ITGA9: variants seen among roughly 807,000 people sequenced by gnomAD.
The protein encoded by ITGA9 is integrin subunit alpha 9.
A neutral mutation model predicts 127.8 loss-of-function variants in ITGA9; 56 were observed. That is an observed-to-expected ratio of 0.44 (90% CI 0.35 to 0.55). ITGA9 has a LOEUF of 0.55. ITGA9 is among the 20% of genes least tolerant of loss of function. ITGA9 has a pLI of 0.00. For synonymous variants in ITGA9, 508 were observed against 514.5 expected (o/e 0.99, Z 0.17); for missense variants, 1,196 against 1,347.1 (o/e 0.89, Z 1.76).
intron 1 of ITGA9, among the ~76,000 whole-genome samples, chr3:37,456,833 GTAGTCACCACTAGCCAGATA>G (rs1226274826): frequency 6.6e-6 from 1 of 152,192 alleles, no homozygotes; most frequent in Non-Finnish European, 1.5e-5. Context: ...GCTGTCTGAT[GTAGTCACCACTAGCCAGATA>G]TATTGGTATG....
At chr3:37,617,100 AT>A (rs1700082449) in intron 15 of ITGA9, among the ~76,000 whole-genome samples, 1 of 146,266 alleles carries the variant, frequency 6.8e-6, no homozygotes. Context: ...GTGGCTGGTA[AT>A]GGTTGTTCCT....
chr3:37,815,481 C>T (rs115286181), intron 27 of ITGA9, among the ~76,000 whole-genome samples: 6 of 152,002 alleles, frequency 3.9e-5, no homozygotes, highest in Non-Finnish European at 8.8e-5. Flanking sequence ...GGGTGGTACA[C>T]GCCTGCAGTC....
intron 17 of ITGA9, among the ~76,000 whole-genome samples, chr3:37,655,935 A>G (rs932044685): frequency 1.3e-5 from 2 of 152,190 alleles, no homozygotes; most frequent in Non-Finnish European, 2.9e-5. Context: ...TCCCAACACC[A>G]TTTATTAAGT....
chr3:37,547,184 TAAAAA>T (rs1699334276), intron 15 of ITGA9, among the ~76,000 whole-genome samples: 1 of 149,862 alleles, frequency 6.7e-6, no homozygotes, highest in Non-Finnish European at 1.5e-5. Context: ...GTATTATTGT[TAAAAA>T]CAAAACAAAA....
At chr3:37,656,177 T>C (rs1323604137) in intron 17 of ITGA9, among the ~76,000 whole-genome samples, 3 of 152,240 alleles carry the variant, frequency 2.0e-5, no homozygotes, top group Middle Eastern at 3.4e-3. Context: ...GCTATAGGGA[T>C]TCTTTTTTGG....
At chr3:37,761,874 A>G (rs1225736793) in intron 23 of ITGA9, among the ~76,000 whole-genome samples, 2 of 152,124 alleles carry the variant, frequency 1.3e-5, no homozygotes, top group Non-Finnish European at 2.9e-5. Context: ...TGCCATGGCA[A>G]CTCCTAGAAG....
In ITGA9 at chr3:37,785,118, A is replaced by G. The variant is rs756708821; in HGVS notation, c.2889+40A>G. On this transcript the variant is annotated intron_variant, in intron 26 of 27. Coordinates refer to ENST00000264741, the MANE Select transcript of ITGA9 (RefSeq NM_002207.3). ...CCAGGACAGCCCTCCTCAGAGGGCA[A>G]GGGAAGCTGGGTGACTTGGAGACCT... is the stretch of plus-strand genomic sequence containing the variant. 1.1e-5 allele frequency: 16 copies of G among 1,394,704 alleles called. 1 individual carries two copies. In the South Asian group the frequency reaches 1.8e-4, roughly 16 times the overall value. 86.4% of individuals were successfully genotyped at this position (1,394,704 alleles called of 1,614,324 possible).
chr3:37,541,473 A>G (rs894009976), intron 14 of ITGA9, among the ~76,000 whole-genome samples: 3 of 152,210 alleles, frequency 2.0e-5, no homozygotes, highest in Non-Finnish European at 4.4e-5. Context: ...CTATTTACTT[A>G]TTGACTCTGA....
chr3:37,694,489 C>CT (rs1294323003), intron 18 of ITGA9, among the ~76,000 whole-genome samples: 1 of 152,212 alleles, frequency 6.6e-6, no homozygotes, highest in Non-Finnish European at 1.5e-5. Flanking sequence ...CACAAGGCGG[C>CT]TTCAGTATTC....
intron 18 of ITGA9, among the ~76,000 whole-genome samples, chr3:37,705,094 G>A (rs1396894752): frequency 6.6e-6 from 1 of 152,212 alleles, no homozygotes; most frequent in East Asian, 1.9e-4. Flanking sequence ...AGAATGGCAT[G>A]AATGTTGGCT....
At chr3:37,521,812 C>T (rs575325652) in intron 11 of ITGA9, among the ~76,000 whole-genome samples, 3 of 152,290 alleles carry the variant, frequency 2.0e-5, no homozygotes, top group Non-Finnish European at 2.9e-5. Flanking sequence ...TGCAGACACA[C>T]GTACATGTTT....
rs1189827195 is a variant in ITGA9 at position 37,629,618 on chromosome 3, C to T, written c.1839+282C>T. The T allele has an allele frequency of 3.0e-5, 18 of 604,866 alleles. No individual in the cohort carries two copies. Among genetic ancestry groups the T allele is most frequent in the Non-Finnish European group, 4.7e-5 (16 of 341,222 alleles). The allele number at this position is 604,866 out of a possible 1,614,324, so 37.5% of individuals were successfully genotyped here. A position where few individuals can be genotyped will look rare whatever the true frequency, so the allele number is the denominator to read the frequency against. The stretch of plus-strand genomic sequence containing the variant: ...CGTGAACTGGCTGGCCACTTGGTCC[C>T]TGAACTTGCCTCTGTTCCTAGACTG... On this transcript the variant is annotated intron_variant, in intron 16 of 27. Coordinates refer to ENST00000264741, the MANE Select transcript of ITGA9 (RefSeq NM_002207.3). This position sits in a 1 kb window ranked among gnomAD's most constrained non-coding sequence, Gnocchi z 4.5.
chr3:37,467,131 G>A (rs1222460289), intron 1 of ITGA9, among the ~76,000 whole-genome samples: 1 of 152,174 alleles, frequency 6.6e-6, no homozygotes, highest in African/African-American at 2.4e-5. Context: ...GGGCTGCGGA[G>A]GAAGCCACGA....
chr3:37,469,900 A>T (rs1158712063), intron 1 of ITGA9, among the ~76,000 whole-genome samples: 1 of 151,998 alleles, frequency 6.6e-6, no homozygotes, highest in African/African-American at 2.4e-5. Flanking sequence ...GGTTCAAGCG[A>T]TTCTCCTGCC....
intron 15 of ITGA9, among the ~76,000 whole-genome samples, chr3:37,622,452 G>C (rs1700137310): frequency 6.6e-6 from 1 of 151,920 alleles, no homozygotes; most frequent in South Asian, 2.1e-4. Flanking sequence ...TTATTCTCTG[G>C]GAAATAGGTT....
intron 26 of ITGA9, among the ~76,000 whole-genome samples, chr3:37,794,527 T>C (rs569377308): frequency 6.6e-6 from 1 of 152,342 alleles, no homozygotes; most frequent in East Asian, 1.9e-4. Context: ...CTTAACTAGA[T>C]GCACAGATGT....
At chr3:37,590,517 G>T (rs1470211901) in intron 15 of ITGA9, among the ~76,000 whole-genome samples, 6 of 152,206 alleles carry the variant, frequency 3.9e-5, no homozygotes, top group Non-Finnish European at 7.3e-5. Flanking sequence ...CCTGTGCATG[G>T]TGTAGCCAAG....
intron 15 of ITGA9, among the ~76,000 whole-genome samples, chr3:37,616,196 T>G (rs1488819874): frequency 1.3e-5 from 2 of 152,222 alleles, no homozygotes; most frequent in Non-Finnish European, 2.9e-5. Flanking sequence ...AAGAACATCT[T>G]TATTTCTGCC....
At chr3:37,580,813 A>G (rs925973309) in intron 15 of ITGA9, among the ~76,000 whole-genome samples, 2 of 152,194 alleles carry the variant, frequency 1.3e-5, no homozygotes, top group African/African-American at 4.8e-5. Context: ...TTTGATTAAC[A>G]TGAGCTAAGA....
Sources: gnomAD v4.1 joint callset for allele counts (sites outside exome capture counted in the v4.1 genomes callset) on GRCh38, gnomAD v4.1.1 for gene constraint, Gnocchi (gnomAD v3.1) non-coding constraint, MANE v1.5 for transcripts, NCBI Gene and HGNC (gene_info 2026-07-23, HGNC 2026-07-21) for gene names.